Variants in COL25A1 observed in about 807,000 individuals in gnomAD.
COL25A1 encodes the protein collagen type XXV alpha 1 chain.
COL25A1 carries 103 observed loss-of-function variants against 128.4 expected under a neutral mutation model. The ratio of observed to expected loss-of-function variants is 0.80; its 90% CI spans 0.68 to 0.94. COL25A1 has a LOEUF of 0.94. COL25A1 is among the 40% of genes least tolerant of loss of function. The pLI is 0.00. For missense variants in COL25A1, 745 were observed against 840.0 expected, an observed-to-expected ratio of 0.89 and a Z score of 1.40; for synonymous variants, 279 against 277.2, an observed-to-expected ratio of 1.01 and a Z score of -0.06.
chr4:109,205,753 T>C (rs1303591902), intron 3 of COL25A1, among the ~76,000 whole-genome samples: 4 of 152,188 alleles, frequency 2.6e-5, no homozygotes, highest in Non-Finnish European at 4.4e-5. Flanking sequence ...AACACTTTCC[T>C]GAAATATAAT....
intron 3 of COL25A1, among the ~76,000 whole-genome samples, chr4:109,274,017 G>A (rs555543916): frequency 2.6e-5 from 4 of 152,214 alleles, no homozygotes; most frequent in South Asian, 2.1e-4. Context: ...TCATGTAATG[G>A]GTATAGGTGG....
chr4:108,933,746 C>T (rs1271668819), intron 11 of COL25A1, among the ~76,000 whole-genome samples: 1 of 151,896 alleles, frequency 6.6e-6, no homozygotes. Context: ...GAATTATTAC[C>T]TACATTTTAT....
intron 6 of COL25A1, among the ~76,000 whole-genome samples, chr4:108,993,280 G>T (rs1302695750): frequency 6.6e-6 from 1 of 152,112 alleles, no homozygotes; most frequent in Admixed American, 6.6e-5. Context: ...AGAACACGAG[G>T]TATTTATCTT....
At chr4:109,181,070 T>G (rs1219706634) in intron 3 of COL25A1, among the ~76,000 whole-genome samples, 2 of 152,204 alleles carry the variant, frequency 1.3e-5, no homozygotes, top group African/African-American at 4.8e-5. Flanking sequence ...AAGCACTTTC[T>G]CACTGAGCTT....
At chr4:109,298,582 T>C (rs1347773212) in intron 3 of COL25A1, among the ~76,000 whole-genome samples, 1 of 152,210 alleles carries the variant, frequency 6.6e-6, no homozygotes, top group Non-Finnish European at 1.5e-5. Flanking sequence ...CTAATCCTCT[T>C]GGTCAGCCCA....
chr4:108,824,302 G>A lies in COL25A1; in HGVS notation c.1792-75C>T, dbSNP rs575679378. ...AAATCATATAGAAACAAATATTTTAGGATTTTACATTTCTGAGCTTAAATA... is the reference window on the plus strand; with the variant it reads ...AAATCATATAGAAACAAATATTTTAAGATTTTACATTTCTGAGCTTAAATA... On this transcript the variant is annotated intron_variant, in intron 34 of 37. Coordinates refer to ENST00000399132, the MANE Select transcript of COL25A1 (RefSeq NM_198721.4). 1.9e-4 allele frequency: 193 copies of A among 1,036,284 alleles called. 4 individuals are homozygous for A. In the South Asian group the frequency reaches 2.7e-3, roughly 14 times the overall value. The allele number at this position is 1,036,284 out of a possible 1,614,324, so 64.2% of individuals were successfully genotyped here.
intron 6 of COL25A1, among the ~76,000 whole-genome samples, chr4:109,001,375 G>GCATCTGAGATCCTGTCAGGTAGC: frequency 1.3e-5 from 2 of 152,176 alleles, no homozygotes; most frequent in Non-Finnish European, 2.9e-5. Context: ...AAAGAAACAG[G>GCATCTGAGATCCTGTCAGGTAGC]CATCTGAGAT....
chr4:109,005,927 T>C (rs1297495854), intron 6 of COL25A1, among the ~76,000 whole-genome samples: 1 of 151,608 alleles, frequency 6.6e-6, no homozygotes, highest in Non-Finnish European at 1.5e-5. Context: ...TGTACATAAA[T>C]AACAAAAAAC....
chr4:109,015,728 T>A (rs1053863710), intron 5 of COL25A1, among the ~76,000 whole-genome samples: 1 of 152,176 alleles, frequency 6.6e-6, no homozygotes, highest in African/African-American at 2.4e-5. Flanking sequence ...AGCCAGTAGC[T>A]GATGTTTTAC....
intron 14 of COL25A1, among the ~76,000 whole-genome samples, chr4:108,899,461 T>C (rs1360476226): frequency 1.3e-5 from 2 of 152,162 alleles, no homozygotes; most frequent in African/African-American, 4.8e-5. Flanking sequence ...TTTGGAGCAC[T>C]AAGGAGAATG....
chr4:108,834,051 G>A (rs970070620), intron 31 of COL25A1, among the ~76,000 whole-genome samples: 1 of 152,204 alleles, frequency 6.6e-6, no homozygotes, highest in South Asian at 2.1e-4. Context: ...AAAAATTCAT[G>A]TGGAATTCTA....
chr4:108,870,259 GA>G (rs1578607162), intron 19 of COL25A1, among the ~76,000 whole-genome samples: 1 of 151,878 alleles, frequency 6.6e-6, no homozygotes, highest in African/African-American at 2.4e-5. Flanking sequence ...CTGTCTCAAA[GA>G]AACAAAACAA....
intron 6 of COL25A1, among the ~76,000 whole-genome samples, chr4:108,997,070 G>A (rs1754853923): frequency 6.6e-6 from 1 of 152,124 alleles, no homozygotes; most frequent in Non-Finnish European, 1.5e-5. Context: ...AAAAGAACTA[G>A]AGAAACAAGA....
intron 3 of COL25A1, among the ~76,000 whole-genome samples, chr4:109,158,222 T>C (rs909763693): frequency 6.6e-6 from 1 of 152,094 alleles, no homozygotes; most frequent in African/African-American, 2.4e-5. Context: ...TACACTTTAG[T>C]TTATCAAAAT....
intron 3 of COL25A1, among the ~76,000 whole-genome samples, chr4:109,234,496 T>C (rs1779347147): frequency 6.6e-6 from 1 of 152,126 alleles, no homozygotes; most frequent in Admixed American, 6.6e-5. Context: ...GGAAAAAAGC[T>C]AATCCTGCTC....
chr4:109,111,665 T>A (rs1159866502), intron 3 of COL25A1, among the ~76,000 whole-genome samples: 1 of 152,182 alleles, frequency 6.6e-6, no homozygotes, highest in Non-Finnish European at 1.5e-5. Flanking sequence ...TCAAACAGTA[T>A]ACTTCTCTGT....
At chr4:109,041,464 A>C (rs1268469737) in intron 5 of COL25A1, among the ~76,000 whole-genome samples, 1 of 151,984 alleles carries the variant, frequency 6.6e-6, no homozygotes, top group Non-Finnish European at 1.5e-5. Context: ...ATGTTACAAG[A>C]CTGAGACCAC....
At chr4:109,273,534 T>C (rs1306434616) in intron 3 of COL25A1, among the ~76,000 whole-genome samples, 1 of 152,170 alleles carries the variant, frequency 6.6e-6, no homozygotes, top group Non-Finnish European at 1.5e-5. Context: ...AAATGCCAAC[T>C]TGTCAAAACA....
chr4:108,884,339 C>T (rs1009013665), intron 18 of COL25A1, 117 bp from the exon 19 acceptor site: 10 of 927,302 alleles, frequency 1.1e-5, no homozygotes, highest in Admixed American at 5.1e-5. Context: ...ATAAAAAAAC[C>T]GTCTACTTTC....
Sources: gnomAD v4.1 joint callset for allele counts (sites outside exome capture counted in the v4.1 genomes callset) on GRCh38, gnomAD v4.1.1 for gene constraint, MANE v1.5 for transcripts, NCBI Gene and HGNC (gene_info 2026-07-23, HGNC 2026-07-21) for gene names.